The following NRXN1 variants were observed in gnomAD, a reference collection of about 807,000 sequenced individuals.
The protein encoded by NRXN1 is neurexin 1, also known as neurexin-1.
NRXN1 carries 39 observed loss-of-function variants against 150.9 expected under a neutral mutation model. That is an observed-to-expected ratio of 0.26 (90% CI 0.20 to 0.34). The LOEUF is 0.34. Among genes scored for constraint, NRXN1 ranks in the 10% least tolerant of loss-of-function variants. The pLI, the probability that NRXN1 is intolerant of heterozygous loss-of-function variation, is 1.00. For synonymous variants in NRXN1, 924 were observed against 757.0 expected (o/e 1.22, Z -3.62); for missense variants, 1,815 against 1,949.9 (o/e 0.93, Z 1.30).
chr2:50,270,239 A>G (rs1486361767), intron 17 of NRXN1, among the ~76,000 whole-genome samples: 4 of 152,156 alleles, frequency 2.6e-5, no homozygotes, highest in Non-Finnish European at 5.9e-5. Context: ...CTTATTTTGT[A>G]TTACTAAAAT....
At chr2:50,385,906 T>C (rs4455193) in intron 17 of NRXN1, among the ~76,000 whole-genome samples, 36,657 of 151,908 alleles carry the variant, frequency 0.24, 4,719 homozygotes, top group East Asian at 0.43. Flanking sequence ...TAAATGTATG[T>C]AAATAAAACT....
chr2:50,771,638 G>A (rs1265161141), intron 5 of NRXN1, among the ~76,000 whole-genome samples: 1 of 152,098 alleles, frequency 6.6e-6, no homozygotes, highest in East Asian at 1.9e-4. Flanking sequence ...TTGGAGATGG[G>A]TTGCGGGTAA....
chr2:50,506,720 A>G lies in NRXN1; in HGVS notation c.2375-103T>C. 5 of 1,153,962 alleles carry G rather than the reference A, an allele frequency of 4.3e-6. No individual in the cohort carries two copies. In the South Asian group the frequency reaches 8.3e-5, roughly 19 times the overall value. 71.5% of individuals were successfully genotyped at this position (1,153,962 alleles called of 1,614,324 possible). On this transcript the variant is annotated intron_variant, in intron 12 of 22. Coordinates refer to ENST00000401669, the MANE Select transcript of NRXN1 (RefSeq NM_001330078.2). Reference sequence around the variant, plus strand: ...GAGACAAGGGGGGAAGGTGAGGGAGAGAGAGGAGAGAAAGAAGAAAGGAAG... The same window carrying G: ...GAGACAAGGGGGGAAGGTGAGGGAGGGAGAGGAGAGAAAGAAGAAAGGAAG...
At chr2:50,622,659 T>G (rs1330024409) in intron 6 of NRXN1, among the ~76,000 whole-genome samples, 1 of 152,172 alleles carries the variant, frequency 6.6e-6, no homozygotes, top group Non-Finnish European at 1.5e-5. Context: ...GTATATAGCA[T>G]CTTGAAAAAG....
chr2:50,440,967 C>A (rs1413284435), intron 17 of NRXN1, among the ~76,000 whole-genome samples: 1 of 152,136 alleles, frequency 6.6e-6, no homozygotes, highest in African/African-American at 2.4e-5. Context: ...GAGTCTTCAT[C>A]ATAGATACTC....
chr2:50,200,409 T>A (rs762721132), intron 18 of NRXN1, among the ~76,000 whole-genome samples: 1 of 152,270 alleles, frequency 6.6e-6, no homozygotes, highest in African/African-American at 2.4e-5. Flanking sequence ...TAATATTTTA[T>A]CAGAGATACT....
intron 5 of NRXN1, among the ~76,000 whole-genome samples, chr2:50,812,432 A>G (rs1358386970): frequency 1.3e-5 from 2 of 152,186 alleles, no homozygotes; most frequent in African/African-American, 4.8e-5. Context: ...GACGACAAGC[A>G]TTATGCAAAG....
chr2:50,574,380 A>G (rs929012711), intron 8 of NRXN1, among the ~76,000 whole-genome samples: 4 of 152,192 alleles, frequency 2.6e-5, no homozygotes, highest in African/African-American at 4.8e-5. Context: ...ATATGAACCA[A>G]AAGCTTCCGT....
intron 12 of NRXN1, among the ~76,000 whole-genome samples, chr2:50,517,855 T>C (rs1317479782): frequency 1.3e-5 from 2 of 152,140 alleles, no homozygotes; most frequent in Non-Finnish European, 2.9e-5. Context: ...TCCAGAGACT[T>C]TTCTGCCATT....
chr2:50,861,543 A>G (rs1027679454), intron 5 of NRXN1, among the ~76,000 whole-genome samples: 10 of 152,086 alleles, frequency 6.6e-5, no homozygotes, highest in African/African-American at 2.2e-4. Flanking sequence ...CAAGTTTGAG[A>G]TCAGATTTTA....
chr2:50,048,236 G>T (rs982367208), intron 21 of NRXN1, among the ~76,000 whole-genome samples: 3 of 152,024 alleles, frequency 2.0e-5, no homozygotes, highest in African/African-American at 7.2e-5. Context: ...ACACATCAAA[G>T]TGTTTTTCTT....
intron 17 of NRXN1, among the ~76,000 whole-genome samples, chr2:50,415,888 G>A (rs1450543796): frequency 6.9e-6 from 1 of 145,774 alleles, no homozygotes; most frequent in East Asian, 2.0e-4. Context: ...TTTCATCACT[G>A]TGAATCACTT....
chr2:50,003,662 G>T (rs1346010940), intron 21 of NRXN1, among the ~76,000 whole-genome samples: 2 of 152,062 alleles, frequency 1.3e-5, no homozygotes, highest in Non-Finnish European at 2.9e-5. Context: ...ACTAAAGTCG[G>T]TTATAAATTT....
intron 18 of NRXN1, among the ~76,000 whole-genome samples, chr2:50,101,893 C>T (rs1192863712): frequency 6.6e-6 from 1 of 151,934 alleles, no homozygotes; most frequent in Non-Finnish European, 1.5e-5. Flanking sequence ...CAAGAAGAGC[C>T]CTACCTTGAA....
intron 5 of NRXN1, among the ~76,000 whole-genome samples, chr2:50,890,258 G>A (rs967645992): frequency 3.3e-5 from 5 of 151,770 alleles, no homozygotes; most frequent in African/African-American, 9.7e-5. Flanking sequence ...GTAAAAGGTG[G>A]TGAAGTGAGT....
chr2:50,931,905 A>G (rs1687802179), intron 2 of NRXN1, among the ~76,000 whole-genome samples: 1 of 152,046 alleles, frequency 6.6e-6, no homozygotes, highest in Middle Eastern at 3.4e-3. Context: ...TCTGTTGCCA[A>G]GACTGGAGTG....
At chr2:49,951,543 G>C (rs72885896) in intron 21 of NRXN1, among the ~76,000 whole-genome samples, 23,463 of 151,872 alleles carry the variant, frequency 0.15, 2,040 homozygotes, top group South Asian at 0.29. Flanking sequence ...GCTGGTAATG[G>C]AGTAGAGGTA....
intron 17 of NRXN1, among the ~76,000 whole-genome samples, chr2:50,396,428 A>G (rs2082054262): frequency 1.3e-5 from 2 of 152,208 alleles, no homozygotes; most frequent in Admixed American, 6.5e-5. Flanking sequence ...ATAGCAAACA[A>G]TATGAATCAT....
intron 5 of NRXN1, among the ~76,000 whole-genome samples, chr2:50,634,459 C>G (rs1427584954): frequency 2.0e-5 from 3 of 152,080 alleles, no homozygotes; most frequent in Non-Finnish European, 2.9e-5. Context: ...AAGGATTAAA[C>G]AATATATGCA....
Sources: allele counts gnomAD v4.1 joint callset (sites outside exome capture counted in the v4.1 genomes callset), GRCh38; gene constraint gnomAD v4.1.1; transcripts MANE v1.5; gene names NCBI Gene and HGNC (gene_info 2026-07-23, HGNC 2026-07-21).